The following MCTP1 variants were observed in gnomAD, a reference collection of about 807,000 sequenced individuals.
MCTP1 encodes multiple C2 and transmembrane domain-containing protein 1.
In MCTP1, 69 loss-of-function variants were observed where a neutral mutation model predicts 120.6. The ratio of observed to expected loss-of-function variants is 0.57; its 90% confidence interval spans 0.47 to 0.70. The LOEUF (loss-of-function observed/expected upper bound fraction) is 0.70. Among genes scored for constraint, MCTP1 ranks in the 30% least tolerant of loss-of-function variants. The pLI is 0.00. For synonymous variants in MCTP1, 529 were observed against 493.1 expected (o/e 1.07, Z -0.96); for missense variants, 1,203 against 1,248.8 (o/e 0.96, Z 0.55).
chr5:95,068,038 T>C (rs1376084511), intron 1 of MCTP1, among the ~76,000 whole-genome samples: 2 of 152,320 alleles, frequency 1.3e-5, no homozygotes, highest in East Asian at 3.9e-4. Context: ...TATAAATCAT[T>C]AAATTAACTT....
At position 94,783,018 on chromosome 5, in the gene MCTP1, G is replaced by C. The variant is rs1375886442; in HGVS notation, c.2557-3855C>G. Among the ~76,000 whole-genome samples, 6 of 152,060 alleles carry C rather than the reference G, an allele frequency of 3.9e-5. No homozygotes were observed. In the East Asian group the frequency reaches 1.2e-3, roughly 29 times the overall value. ...CAAAGGAAGGGCACTAGGGAAATCA[G>C]AAAGATGTAATGCAAGCAGTTAAAA... On this transcript the variant is annotated intron_variant, in intron 18 of 22. Transcript: ENST00000515393.
chr5:95,228,786 T>C (rs890040230), intron 1 of MCTP1, among the ~76,000 whole-genome samples: 4 of 152,110 alleles, frequency 2.6e-5, no homozygotes, highest in African/African-American at 9.7e-5. Flanking sequence ...GTTAAAAGTG[T>C]GTAGCACCTC....
chr5:94,991,450 T>C (rs1831529362), intron 2 of MCTP1, among the ~76,000 whole-genome samples: 1 of 152,242 alleles, frequency 6.6e-6, no homozygotes, highest in South Asian at 2.1e-4. Context: ...TCTGAAATAC[T>C]AACTGTTTTC....
chr5:94,894,894 C>T (rs1803571380), intron 10 of MCTP1, 59 bp from the exon 11 acceptor site: 1 of 1,024,592 alleles, frequency 9.8e-7, no homozygotes, highest in African/African-American at 1.7e-5. Context: ...CCATATCAAA[C>T]AGCTGTTCAG....
chr5:94,942,780 A>C (rs545098530), intron 3 of MCTP1, among the ~76,000 whole-genome samples: 20 of 152,214 alleles, frequency 1.3e-4, no homozygotes, highest in Non-Finnish European at 2.5e-4. Flanking sequence ...ATATGATTCC[A>C]ATATCTTCGT....
chr5:95,226,177 C>T (rs1343454590), intron 1 of MCTP1, among the ~76,000 whole-genome samples: 2 of 152,078 alleles, frequency 1.3e-5, no homozygotes, highest in Non-Finnish European at 2.9e-5. Flanking sequence ...TCCATTTTCC[C>T]TCCCTCTTTA....
chr5:95,034,498 T>C (rs2347477), intron 1 of MCTP1, among the ~76,000 whole-genome samples: 132,275 of 152,006 alleles, frequency 0.87, 58,823 homozygotes, highest in East Asian at 0.98. Context: ...TGATAAATAG[T>C]GCTGGGAAAA....
chr5:95,109,515 C>T (rs1757311327), intron 1 of MCTP1, among the ~76,000 whole-genome samples: 1 of 152,052 alleles, frequency 6.6e-6, no homozygotes, highest in African/African-American at 2.4e-5. Context: ...TGACTTCTGT[C>T]CCTTTAAATT....
intron 1 of MCTP1, among the ~76,000 whole-genome samples, chr5:95,056,895 A>G (rs1174523238): frequency 2.0e-5 from 3 of 152,196 alleles, no homozygotes; most frequent in African/African-American, 7.2e-5. Flanking sequence ...ACGCAAATAC[A>G]TACGTATTTC....
chr5:95,116,244 A>C (rs1286222013), intron 1 of MCTP1, among the ~76,000 whole-genome samples: 1 of 152,226 alleles, frequency 6.6e-6, no homozygotes, highest in African/African-American at 2.4e-5. Context: ...TAGTAAGTGC[A>C]CCGAAAAACA....
chr5:94,954,887 A>G (rs370300479), intron 2 of MCTP1, among the ~76,000 whole-genome samples: 2 of 152,194 alleles, frequency 1.3e-5, no homozygotes, highest in East Asian at 1.9e-4. Flanking sequence ...CACATGTTTA[A>G]TAAGTGAATT....
chr5:95,017,558 T>A (rs2153668025), intron 1 of MCTP1, 74 bp from the exon 2 acceptor site: 47 of 784,244 alleles, frequency 6.0e-5, no homozygotes, highest in Non-Finnish European at 8.7e-5. Context: ...GGACCATATA[T>A]AGCTTAACCC....
intron 1 of MCTP1, among the ~76,000 whole-genome samples, chr5:95,268,583 C>T (rs923838186): frequency 1.3e-5 from 2 of 152,168 alleles, no homozygotes; most frequent in African/African-American, 4.8e-5. Context: ...GCTGAATTCT[C>T]TTAAAAGCTT....
At chr5:95,057,137 G>A (rs1349366038) in intron 1 of MCTP1, among the ~76,000 whole-genome samples, 2 of 151,814 alleles carry the variant, frequency 1.3e-5, no homozygotes, top group African/African-American at 4.8e-5. Flanking sequence ...TCATAAAATA[G>A]TAACATTAAT....
intron 1 of MCTP1, among the ~76,000 whole-genome samples, chr5:95,159,758 T>C (rs1745516791): frequency 1.3e-5 from 2 of 151,924 alleles, no homozygotes; most frequent in African/African-American, 4.8e-5. Context: ...TTCCATACAG[T>C]GTAGAGATAA....
At chr5:95,130,771 T>A (rs1200322820) in intron 1 of MCTP1, among the ~76,000 whole-genome samples, 2 of 152,192 alleles carry the variant, frequency 1.3e-5, no homozygotes, top group African/African-American at 2.4e-5. Flanking sequence ...AATGACTTCA[T>A]TTCAGTTTAA....
At chr5:95,050,049 C>T (rs147587183) in intron 1 of MCTP1, among the ~76,000 whole-genome samples, 129 of 152,044 alleles carry the variant, frequency 8.5e-4, no homozygotes, top group African/African-American at 2.9e-3. Flanking sequence ...GTTAGGCAAC[C>T]ACCTAGATAA....
intron 1 of MCTP1, among the ~76,000 whole-genome samples, chr5:95,235,432 C>A (rs1354573405): frequency 6.6e-6 from 1 of 151,638 alleles, no homozygotes; most frequent in African/African-American, 2.4e-5. Flanking sequence ...CACTTCTATT[C>A]AATATTTTTC....
chr5:95,212,698 G>A (rs1278846960), intron 1 of MCTP1, among the ~76,000 whole-genome samples: 1 of 148,870 alleles, frequency 6.7e-6, no homozygotes, highest in African/African-American at 2.5e-5. Context: ...GGGATGCAAG[G>A]CTGGTTCAAT....
Sources: gnomAD v4.1 joint callset for allele counts (sites outside exome capture counted in the v4.1 genomes callset) on GRCh38, gnomAD v4.1.1 for gene constraint, MANE v1.5 for transcripts, NCBI Gene and HGNC (gene_info 2026-07-23, HGNC 2026-07-21) for gene names.